Variants in PDCD4 observed in about 807,000 individuals in gnomAD.
PDCD4 encodes programmed cell death 4.
In PDCD4, 56 loss-of-function variants were observed where a neutral mutation model predicts 54.0. The ratio of observed to expected loss-of-function variants is 1.04; its 90% CI spans 0.84 to 1.30. The LOEUF is 1.30. Among genes scored for constraint, PDCD4 ranks in the 50% most tolerant of loss-of-function variants. PDCD4 has a pLI of 0.00. For missense variants in PDCD4, 584 were observed against 559.8 expected (o/e 1.04, Z -0.44); for synonymous variants, 186 against 194.8 (o/e 0.95, Z 0.37).
intron 2 of PDCD4, among the ~76,000 whole-genome samples, chr10:110,876,282 T>G (rs760864124): frequency 2.6e-5 from 4 of 152,144 alleles, no homozygotes; most frequent in Non-Finnish European, 4.4e-5. Flanking sequence ...TTTGTAGAGA[T>G]AGGATTTCAC....
Position 110,887,766 on chromosome 10 carries a change from A to G in PDCD4, c.657A>G (p.Thr219=), listed in dbSNP as rs746494139. The change falls in exon 6 of 12, where the codon ACA becomes ACG. Residue 219 remains threonine (T), a synonymous_variant. Coordinates refer to ENST00000280154, the MANE Select transcript of PDCD4 (RefSeq NM_014456.5). Reference sequence around the variant, plus strand: ...GGAAGGCTAGTCATAGAGAGATGACATCTAAGCTTCTTTCTGACCTTTGTG... The same window carrying G: ...GGAAGGCTAGTCATAGAGAGATGACGTCTAAGCTTCTTTCTGACCTTTGTG... ...LEGKASHREM[T]SKLLSDLCGT... 3.1e-6 allele frequency: 5 copies of G among 1,612,934 alleles called. 1 individual carries two copies. In the South Asian group the frequency reaches 5.5e-5, roughly 18 times the overall value.
chr10:110,889,784 G>T (rs1418125243), intron 7 of PDCD4, among the ~76,000 whole-genome samples, 154 bp downstream of exon 7: 1 of 152,170 alleles, frequency 6.6e-6, no homozygotes, highest in African/African-American at 2.4e-5. Flanking sequence ...CTATTGGCAT[G>T]ATATACCAGG....
chr10:110,890,604 A>G lies in PDCD4; in HGVS notation c.924A>G (p.Gly308=), dbSNP rs753343215. 5 of 1,613,668 alleles carry G rather than the reference A, an allele frequency of 3.1e-6. No homozygotes were observed. Among genetic ancestry groups the G allele is most frequent in the South Asian group, 1.1e-5 (1 of 91,038 alleles). ...ATVLLSMSKG[G]KRKDSVWGSG... ...TGCTTCTGAGTATGTCTAAAGGTGG[A>G]AAGCGTAAAGATAGTGTGTGGGGCT... is the stretch of plus-strand genomic sequence containing the variant. Residue 308 remains glycine (G), a synonymous_variant, in exon 8 of 12, where the codon GGA becomes GGG. Transcript: ENST00000280154.
Position 110,891,370 on chromosome 10 carries a change from G to A in PDCD4, c.990+700G>A, listed in dbSNP as rs143836488. 5.5e-3 allele frequency among the ~76,000 whole-genome samples: 692 copies of A among 126,178 alleles called. 6 individuals carry two copies. Among genetic ancestry groups the A allele is most frequent in the African/African-American group, 0.019 (654 of 34,298 alleles). The allele number at this position is 126,178 out of a possible 152,430, so 82.8% of individuals were successfully genotyped here. A position where few individuals can be genotyped will look rare whatever the true frequency, so the allele number is the denominator to read the frequency against. On this transcript the variant is annotated intron_variant, in intron 8 of 11. Transcript: ENST00000280154. The stretch of plus-strand genomic sequence containing the variant: ...TGCAGTGAGCTGAGATCACACCACT[G>A]CACTCCAGCATGGGTGACAGAGCAA...
In PDCD4 at chr10:110,891,175, C is replaced by T. The variant is rs368833939; in HGVS notation, c.990+505C>T. 3.3e-3 allele frequency among the ~76,000 whole-genome samples: 497 copies of T among 152,034 alleles called. 26 individuals carry two copies. In the South Asian group the frequency reaches 0.093, roughly 28 times the overall value. ...ATCCCAGCACTTTGAGAGGCTGAGGCGGGTGGATTGCTTGAGGCCAGGAGT... is the reference window on the plus strand; with the variant it reads ...ATCCCAGCACTTTGAGAGGCTGAGGTGGGTGGATTGCTTGAGGCCAGGAGT... On this transcript the variant is annotated intron_variant, in intron 8 of 11. Transcript: ENST00000280154.
At chr10:110,895,652 C>T (rs1231140660) in intron 10 of PDCD4, among the ~76,000 whole-genome samples, 4 of 152,220 alleles carry the variant, frequency 2.6e-5, no homozygotes, top group East Asian at 1.9e-4. Flanking sequence ...GAGAAATCTC[C>T]GAACCACTTT....
intron 4 of PDCD4, among the ~76,000 whole-genome samples, chr10:110,883,697 T>G (rs973495845): frequency 4.6e-5 from 7 of 152,324 alleles, no homozygotes; most frequent in African/African-American, 1.7e-4. Context: ...CTGTTTTGGA[T>G]TATTTTGAAG....
chr10:110,875,684 T>C (rs983089746), intron 1 of PDCD4, among the ~76,000 whole-genome samples: 3 of 152,208 alleles, frequency 2.0e-5, no homozygotes, highest in African/African-American at 7.2e-5. Context: ...TAAACATGTA[T>C]CACAAACATA....
At chr10:110,884,704 A>G (rs1209910792) in intron 4 of PDCD4, 2 of 152,104 alleles carry the variant, frequency 1.3e-5, no homozygotes, top group African/African-American at 4.8e-5. Context: ...GGAGCAAATT[A>G]TGTATTTGCT....
chr10:110,883,653 A>G (rs1300801186), intron 4 of PDCD4, among the ~76,000 whole-genome samples: 1 of 151,904 alleles, frequency 6.6e-6, no homozygotes, highest in Non-Finnish European at 1.5e-5. Context: ...AATTCCATTT[A>G]CTCTCCGTCT....
chr10:110,888,530 AT>A (rs1349165438), intron 6 of PDCD4, among the ~76,000 whole-genome samples: 13 of 152,156 alleles, frequency 8.5e-5, no homozygotes, highest in Admixed American at 8.5e-4. Context: ...TTATTGTAGA[AT>A]TTTTGAAAAA....
rs1564687224 is a variant in PDCD4, at chr10:110,898,025, CAG to C, written c.1350-2_1350-1del. 6.3e-7 allele frequency: 1 copy of C among 1,576,624 alleles called. No homozygotes were observed. The highest frequency in any genetic ancestry group is 1.4e-5 in the African/African-American group (1 of 73,516). On this transcript the variant is annotated splice_acceptor_variant, in intron 11 of 11. Coordinates refer to ENST00000280154, the MANE Select transcript of PDCD4 (RefSeq NM_014456.5). LOFTEE classifies it high-confidence loss of function. ...TTCATGTCTTTTTTTTTCTTCATTA[CAG>C]GGGCAGAAAGCGTTTTGTAAGCGAA...
intron 2 of PDCD4, chr10:110,876,528 C>G (rs527603131): frequency 2.6e-6 from 1 of 378,952 alleles, no homozygotes; most frequent in Non-Finnish European, 4.8e-6. Flanking sequence ...TATTCCTATT[C>G]TCTGTTATAT....
chr10:110,883,813 G>T (rs1590731222), intron 4 of PDCD4, among the ~76,000 whole-genome samples: 1 of 152,252 alleles, frequency 6.6e-6, no homozygotes, highest in African/African-American at 2.4e-5. Context: ...TATGTGTTAG[G>T]TTGTTTTTAT....
chr10:110,896,310 C>T (rs1341211846), intron 11 of PDCD4, among the ~76,000 whole-genome samples: 2 of 152,116 alleles, frequency 1.3e-5, no homozygotes, highest in Admixed American at 1.3e-4. Flanking sequence ...TCTTGTGGAG[C>T]AGGTCCTTTG....
intron 5 of PDCD4, among the ~76,000 whole-genome samples, chr10:110,886,757 G>T (rs140871638): frequency 6.6e-6 from 1 of 151,996 alleles, no homozygotes; most frequent in Non-Finnish European, 1.5e-5. Context: ...AACTAAAGAG[G>T]CTATTATAAT....
intron 1 of PDCD4, among the ~76,000 whole-genome samples, chr10:110,873,559 T>C (rs905983565): frequency 1.3e-5 from 2 of 152,248 alleles, no homozygotes; most frequent in African/African-American, 4.8e-5. Context: ...AATGTCAGCC[T>C]TCATTTTCTT....
At chr10:110,891,183 T>A (rs1219723678) in intron 8 of PDCD4, among the ~76,000 whole-genome samples, 1 of 152,032 alleles carries the variant, frequency 6.6e-6, no homozygotes, top group East Asian at 1.9e-4. Context: ...GGCGGGTGGA[T>A]TGCTTGAGGC....
chr10:110,885,082 C>A, intron 4 of PDCD4, 171 bp from the exon 5 acceptor site: 1 of 463,564 alleles, frequency 2.2e-6, no homozygotes. Context: ...AGGTATGAGT[C>A]TCCTTGCCTG....
Sources: allele counts gnomAD v4.1 joint callset (sites outside exome capture counted in the v4.1 genomes callset), GRCh38; gene constraint gnomAD v4.1.1; transcripts MANE v1.5; gene names NCBI Gene and HGNC (gene_info 2026-07-23, HGNC 2026-07-21).